Variants in PTOV1 observed in about 807,000 individuals in gnomAD.
PTOV1 encodes PTOV1 extended AT-hook containing adaptor protein, also known as prostate tumor-overexpressed gene 1 protein.
Under a neutral mutation model 58.0 loss-of-function variants are expected in PTOV1, and 20 were observed. That is an observed-to-expected ratio of 0.34 (90% CI 0.24 to 0.50). PTOV1 has a LOEUF of 0.50. PTOV1 is among the 20% of genes least tolerant of loss of function. The pLI is 0.98. For missense variants in PTOV1, 593 were observed against 565.4 expected, an observed-to-expected ratio of 1.05 and a Z score of -0.50; for synonymous variants, 335 against 234.2, an observed-to-expected ratio of 1.43 and a Z score of -3.93.
In PTOV1 at chr19:49,860,608, C is replaced by T. The variant is rs187561960; in HGVS notation, c.*329C>T. 257 of 509,760 alleles carry T rather than the reference C, an allele frequency of 5.0e-4. 2 individuals carry two copies. In the East Asian group the frequency reaches 7.9e-3, roughly 16 times the overall value. 31.6% of individuals were successfully genotyped at this position (509,760 alleles called of 1,614,324 possible). ...CCAGCAGCCCCCACTGCACCCCTGC[C>T]CCCAGGTGACACGCTTCTGAGCAGG... On this transcript the variant is annotated 3_prime_UTR_variant, in exon 12 of 12. Transcript: ENST00000391842.
chr19:49,851,919 C>T, intron 1 of PTOV1: 3 of 967,010 alleles, frequency 3.1e-6, no homozygotes, highest in Non-Finnish European at 3.6e-6. Context: ...ACCAGCGCCC[C>T]CAGATGTCGC....
intron 1 of PTOV1, chr19:49,851,791 AG>A: frequency 9.6e-7 from 1 of 1,040,836 alleles, no homozygotes. Flanking sequence ...GGCGGCAGAC[AG>A]GCAGCCGGCA....
intron 6 of PTOV1, chr19:49,857,345 G>T: frequency 1.5e-6 from 1 of 677,488 alleles, no homozygotes. Flanking sequence ...GGGTCTTGGC[G>T]CGGCGGCAGG....
chr19:49,850,769 A>G, upstream of PTOV1: 1 of 1,337,350 alleles, frequency 7.5e-7, no homozygotes, highest in South Asian at 1.3e-5. Context: ...CCGTACCCTC[A>G]GTGGGTTCCC....
Position 49,854,820 on chromosome 19 carries a change from C to G in PTOV1, c.393-11C>G, listed in dbSNP as rs769070734. 3.1e-6 allele frequency: 5 copies of G among 1,613,238 alleles called. No homozygotes were observed. The highest frequency in any genetic ancestry group is 4.2e-6 in the Non-Finnish European group (5 of 1,179,996). On this transcript the variant is annotated splice_polypyrimidine_tract_variant and intron_variant, in intron 3 of 11. Transcript: ENST00000391842. Reference sequence around the variant, plus strand: ...TCAGGGCAGCCCTTTCTGACCAGCTCCTTCCCATAGGGAGACCGACCAGTG... The same window carrying G: ...TCAGGGCAGCCCTTTCTGACCAGCTGCTTCCCATAGGGAGACCGACCAGTG...
At chr19:49,855,050 G>C in exon 5 of PTOV1, 2 of 1,597,576 alleles carry the variant, frequency 1.3e-6, no homozygotes, top group Non-Finnish European at 1.7e-6. Context: ...CGCTCAAGGG[G>C]CTCTGCCGCA....
At chr19:49,851,256 C>A in exon 1 of PTOV1, 1 of 1,116,048 alleles carries the variant, frequency 9.0e-7, no homozygotes, top group Non-Finnish European at 1.1e-6. Flanking sequence ...GCGCCCGCGC[C>A]CCTCAGTCGG....
intron 5 of PTOV1, chr19:49,856,469 T>C (rs2074472325): frequency 1.2e-5 from 2 of 161,638 alleles, no homozygotes. Flanking sequence ...TCAGGCTTAG[T>C]TCTCCCATGC....
chr19:49,857,242 G>A (rs2074512472), intron 6 of PTOV1, 112 bp downstream of exon 6: 13 of 1,429,424 alleles, frequency 9.1e-6, no homozygotes, highest in Non-Finnish European at 1.3e-5. Flanking sequence ...GCTGGAGCAA[G>A]GAGCTGCAGG....
rs1419831388 is a variant in PTOV1 at position 49,858,664 on chromosome 19, C to A, written c.1041+11C>A. The A allele has an allele frequency of 6.3e-7, 1 of 1,580,166 alleles. No individual in the cohort carries two copies. Reference sequence around the variant, plus strand: ...ATGGACAATGGCTTCGTGAGTGGTGCCAGCAGACGCAGGGGAGGGGCCGGC... The same window carrying A: ...ATGGACAATGGCTTCGTGAGTGGTGACAGCAGACGCAGGGGAGGGGCCGGC... On this transcript the variant is annotated intron_variant, in intron 10 of 11. Coordinates refer to ENST00000391842, the Ensembl canonical transcript of PTOV1.
intron 5 of PTOV1, 37 bp from the exon 6 acceptor site, chr19:49,856,938 G>C (rs2074495545): frequency 6.2e-7 from 1 of 1,608,978 alleles, no homozygotes; most frequent in Non-Finnish European, 8.5e-7. Flanking sequence ...GTGGCCCCGG[G>C]CAGTGACCAC....
chr19:49,857,855 A>T (rs1312601365), intron 7 of PTOV1, 49 bp from the exon 8 acceptor site: 1 of 1,611,916 alleles, frequency 6.2e-7, no homozygotes, highest in South Asian at 1.1e-5. Context: ...GGACACTGGC[A>T]TTGGGGGTCT....
exon 5 of PTOV1, chr19:49,855,001 A>T: frequency 1.3e-6 from 2 of 1,588,550 alleles, no homozygotes; most frequent in South Asian, 2.3e-5. Context: ...CGGAACTCCC[A>T]GTTGGCACAG....
intron 1 of PTOV1, chr19:49,852,462 A>C (rs1186692123): frequency 1.3e-5 from 2 of 152,212 alleles, no homozygotes; most frequent in Non-Finnish European, 2.9e-5. Context: ...TTTAAACCTC[A>C]GTGCAAGTAC....
chr19:49,860,222 C>T, intron 11 of PTOV1, 39 bp downstream of exon 11: 8 of 1,613,794 alleles, frequency 5.0e-6, no homozygotes, highest in Non-Finnish European at 6.8e-6. Context: ...AGTCTCCCTC[C>T]ACCCCCGCTG....
At chr19:49,850,706 C>T (rs2074208282), upstream of PTOV1, 5 of 724,974 alleles carry the variant, frequency 6.9e-6, no homozygotes, top group Non-Finnish European at 8.4e-6. Context: ...CCCTTGCCCA[C>T]CTCGCCACGT....
chr19:49,857,033 T>C (rs1469195906), exon 6 of PTOV1: 1 of 1,613,954 alleles, frequency 6.2e-7, no homozygotes, highest in Non-Finnish European at 8.5e-7. Flanking sequence ...CTCATGCTCC[T>C]GTACTCGTCC....
At chr19:49,860,280 T>G (rs751129616) in exon 12 of PTOV1, 3 of 1,600,422 alleles carry the variant, frequency 1.9e-6, no homozygotes, top group Admixed American at 3.4e-5. Context: ...GGGGGGGTAG[T>G]GGTTACCCCG....
chr19:49,854,299 G>A, intron 1 of PTOV1, 107 bp from the exon 2 acceptor site: 1 of 1,445,982 alleles, frequency 6.9e-7, no homozygotes. Flanking sequence ...CTTCCAGCAG[G>A]GGATTTGGGG....
Sources: gnomAD v4.1 joint callset for allele counts on GRCh38, gnomAD v4.1.1 for gene constraint, MANE v1.5 for transcripts, NCBI Gene and HGNC (gene_info 2026-07-23, HGNC 2026-07-21) for gene names.